The following SUGCT variants were observed in gnomAD, a reference collection of about 807,000 sequenced individuals.
The protein encoded by SUGCT is succinyl-CoA:glutarate-CoA transferase, also known as succinyl-CoA:glutarate CoA-transferase.
A neutral mutation model predicts 55.0 loss-of-function variants in SUGCT; 41 were observed. That is an observed-to-expected ratio of 0.74 (90% CI 0.58 to 0.97). SUGCT has a LOEUF of 0.97. Among genes scored for constraint, SUGCT ranks in the 50% least tolerant of loss-of-function variants. The pLI, the probability that SUGCT is intolerant of heterozygous loss-of-function variation, is 0.00. For missense variants in SUGCT, 568 were observed against 547.8 expected, an observed-to-expected ratio of 1.04 and a Z score of -0.37; for synonymous variants, 187 against 200.4, an observed-to-expected ratio of 0.93 and a Z score of 0.56.
chr7:40,426,726 A>G (rs1325348230), intron 9 of SUGCT, among the ~76,000 whole-genome samples: 1 of 152,204 alleles, frequency 6.6e-6, no homozygotes, highest in Non-Finnish European at 1.5e-5. Flanking sequence ...TTATGGAAAT[A>G]GTTGGGGACA....
intron 8 of SUGCT, among the ~76,000 whole-genome samples, chr7:40,279,027 G>GC (rs1194455811): frequency 1.3e-5 from 2 of 150,276 alleles, no homozygotes; most frequent in African/African-American, 2.4e-5. Flanking sequence ...AGAGATGGGG[G>GC]GGTCTGACTG....
chr7:40,736,897 G>A (rs911641562), intron 12 of SUGCT, among the ~76,000 whole-genome samples: 15 of 152,072 alleles, frequency 9.9e-5, no homozygotes, highest in Admixed American at 3.3e-4. Flanking sequence ...AGAGAATATA[G>A]CCACTAAAGG....
chr7:40,510,380 A>G (rs1441183996), intron 12 of SUGCT, among the ~76,000 whole-genome samples: 1 of 152,210 alleles, frequency 6.6e-6, no homozygotes, highest in Non-Finnish European at 1.5e-5. Context: ...ATAGTTATCT[A>G]GCACTTATTC....
At chr7:40,279,294 T>C (rs1384780412) in intron 8 of SUGCT, among the ~76,000 whole-genome samples, 2 of 152,030 alleles carry the variant, frequency 1.3e-5, no homozygotes, top group African/African-American at 2.4e-5. Flanking sequence ...CCTAAACTGA[T>C]AAATGGGGCC....
chr7:40,512,529 G>C (rs1454647875), intron 12 of SUGCT, among the ~76,000 whole-genome samples: 1 of 151,924 alleles, frequency 6.6e-6, no homozygotes, highest in Non-Finnish European at 1.5e-5. Flanking sequence ...GTGACTTTGG[G>C]CATTACTCAA....
At chr7:40,951,212 A>C in the SUGCT span, among the ~76,000 whole-genome samples, 4 of 152,150 alleles carry the variant, frequency 2.6e-5, no homozygotes, top group South Asian at 8.3e-4. Flanking sequence ...CGAGGAATTT[A>C]TCCATTTCTT....
intron 13 of SUGCT, among the ~76,000 whole-genome samples, chr7:40,756,894 AAG>A (rs1320412186): frequency 6.6e-6 from 1 of 152,216 alleles, no homozygotes; most frequent in Non-Finnish European, 1.5e-5. Flanking sequence ...AAGCTGCAAA[AAG>A]AGGAAAGAGA....
chr7:40,690,621 G>C (rs1784653108), intron 12 of SUGCT, among the ~76,000 whole-genome samples: 1 of 151,552 alleles, frequency 6.6e-6, no homozygotes, highest in Admixed American at 6.6e-5. Context: ...AGGCTGTAGT[G>C]CAGTGGCTGG....
At chr7:40,957,781 G>T in the SUGCT span, among the ~76,000 whole-genome samples, 1 of 152,122 alleles carries the variant, frequency 6.6e-6, no homozygotes, top group African/African-American at 2.4e-5. Context: ...ATTTTTGTAT[G>T]TTGTTGCAGT....
At chr7:40,938,902 T>G in the SUGCT span, among the ~76,000 whole-genome samples, 1 of 152,242 alleles carries the variant, frequency 6.6e-6, no homozygotes, top group Non-Finnish European at 1.5e-5. Context: ...TACCATATTT[T>G]CTTCATCCAC....
intron 9 of SUGCT, among the ~76,000 whole-genome samples, chr7:40,367,872 C>T (rs377436096): frequency 2.6e-5 from 4 of 152,198 alleles, no homozygotes; most frequent in South Asian, 4.1e-4. Context: ...CCTGGCCTTC[C>T]TGGCCCTTGC....
chr7:40,526,635 A>G (rs1793814391), intron 12 of SUGCT, among the ~76,000 whole-genome samples: 1 of 152,016 alleles, frequency 6.6e-6, no homozygotes, highest in African/African-American at 2.4e-5. Context: ...TGGTTGGGGG[A>G]AAATTTTTGT....
At chr7:40,664,882 A>G (rs1336615998) in intron 12 of SUGCT, among the ~76,000 whole-genome samples, 2 of 151,350 alleles carry the variant, frequency 1.3e-5, no homozygotes, top group Non-Finnish European at 2.9e-5. Context: ...CGGGAGGCTG[A>G]GGCAGGAGAA....
chr7:40,152,138 C>T (rs1490543308), intron 1 of SUGCT, among the ~76,000 whole-genome samples: 1 of 152,126 alleles, frequency 6.6e-6, no homozygotes, highest in Non-Finnish European at 1.5e-5. Flanking sequence ...AATCTTGCAG[C>T]CTCTGGGTGC....
intron 13 of SUGCT, among the ~76,000 whole-genome samples, chr7:40,793,656 C>G (rs1266141738): frequency 6.6e-6 from 1 of 151,836 alleles, no homozygotes; most frequent in East Asian, 1.9e-4. Context: ...TTTTTATTAT[C>G]TTGTTTATAA....
At chr7:40,397,804 G>C (rs958294308) in intron 9 of SUGCT, among the ~76,000 whole-genome samples, 1 of 152,142 alleles carries the variant, frequency 6.6e-6, no homozygotes, top group Non-Finnish European at 1.5e-5. Flanking sequence ...AGCTGTTTTG[G>C]ACAGTGTAAC....
intron 9 of SUGCT, among the ~76,000 whole-genome samples, chr7:40,393,307 G>A (rs1225220152): frequency 6.6e-6 from 1 of 152,156 alleles, no homozygotes; most frequent in Non-Finnish European, 1.5e-5. Flanking sequence ...TCAGAAAAAT[G>A]TTAAACATTG....
the SUGCT span, among the ~76,000 whole-genome samples, chr7:40,897,907 TCTGTAAAATGAACCAATCAGC>T: frequency 8.6e-6 from 1 of 116,350 alleles, no homozygotes; most frequent in Non-Finnish European, 2.1e-5. Context: ...CAATCAGCTC[TCTGTAAAATGAACCAATCAGC>T]GGGATGTGGA....
At chr7:40,646,121 A>G (rs1414192550) in intron 12 of SUGCT, among the ~76,000 whole-genome samples, 1 of 152,170 alleles carries the variant, frequency 6.6e-6, no homozygotes, top group Non-Finnish European at 1.5e-5. Context: ...TCAAGCAAGA[A>G]TCCTAGCAAT....
Sources: allele counts gnomAD v4.1 joint callset (sites outside exome capture counted in the v4.1 genomes callset), GRCh38; gene constraint gnomAD v4.1.1; transcripts MANE v1.5; gene names NCBI Gene and HGNC (gene_info 2026-07-23, HGNC 2026-07-21).